Variants in CNTNAP5 observed in about 807,000 individuals in gnomAD.
The protein encoded by CNTNAP5 is contactin-associated protein-like 5.
Under a neutral mutation model 150.2 loss-of-function variants are expected in CNTNAP5, and 72 were observed. The observed-to-expected ratio is 0.48, with a 90% CI of 0.40 to 0.58. The LOEUF is 0.58. Among genes scored for constraint, CNTNAP5 ranks in the 20% least tolerant of loss-of-function variants. CNTNAP5 has a pLI of 0.00. For missense variants in CNTNAP5, 1,636 were observed against 1,626.2 expected (o/e 1.01, Z -0.10); for synonymous variants, 672 against 619.8 (o/e 1.08, Z -1.25).
intron 4 of CNTNAP5, among the ~76,000 whole-genome samples, chr2:124,422,887 G>A (rs750159816): frequency 2.5e-4 from 38 of 152,288 alleles, no homozygotes; most frequent in Middle Eastern, 6.8e-3. Context: ...GGTCTCCAGT[G>A]CTTGTATAAG....
intron 3 of CNTNAP5, among the ~76,000 whole-genome samples, chr2:124,271,701 C>CTATCTATCT (rs200397448): frequency 6.4e-4 from 74 of 114,848 alleles, no homozygotes; most frequent in African/African-American, 2.4e-3. Flanking sequence ...ATCTATCTAT[C>CTATCTATCT]ATCTATCTAT....
chr2:124,879,211 C>A (rs1192947052), intron 21 of CNTNAP5, among the ~76,000 whole-genome samples: 8 of 151,988 alleles, frequency 5.3e-5, no homozygotes, highest in African/African-American at 1.7e-4. Context: ...TCATGAGGTT[C>A]CAAAGACAAG....
intron 23 of CNTNAP5, among the ~76,000 whole-genome samples, chr2:124,912,607 C>G (rs374411425): frequency 1.4e-4 from 21 of 152,200 alleles, no homozygotes; most frequent in African/African-American, 4.8e-4. Context: ...AGAAGCTGGA[C>G]CACCTTAATT....
At chr2:124,187,990 G>A (rs1411104263) in intron 1 of CNTNAP5, among the ~76,000 whole-genome samples, 1 of 152,164 alleles carries the variant, frequency 6.6e-6, no homozygotes, top group Admixed American at 6.5e-5. Context: ...GATCTGATCA[G>A]GGAGTAGGGA....
chr2:124,172,637 C>T (rs1434829884), intron 1 of CNTNAP5, among the ~76,000 whole-genome samples: 2 of 152,124 alleles, frequency 1.3e-5, no homozygotes, highest in African/African-American at 2.4e-5. Context: ...TGATCTCGAA[C>T]TTCTGAGCTC....
At chr2:124,907,258 C>G (rs1176613190) in intron 22 of CNTNAP5, among the ~76,000 whole-genome samples, 1 of 152,016 alleles carries the variant, frequency 6.6e-6, no homozygotes, top group African/African-American at 2.4e-5. Context: ...ATTCAAATTT[C>G]TGGTACAGTG....
rs1678828704 is a variant in CNTNAP5, at chr2:124,919,317, T to C, written c.*5029T>C. Among the ~76,000 whole-genome samples, 4 of 152,262 alleles carry C rather than the reference T, an allele frequency of 2.6e-5. No individual in the cohort carries two copies. The South Asian group carries it at 8.3e-4, about 32-fold the overall frequency. ...CTATTTTTCAGTGATTATTTTATCT[T>C]ATTTTGCACTAAGGTACTCTGAGGA... On this transcript the variant is annotated 3_prime_UTR_variant, in exon 24 of 24. Transcript: ENST00000682447.
chr2:124,674,450 C>CCCAT (rs1678888429), intron 13 of CNTNAP5, among the ~76,000 whole-genome samples: 1 of 136,990 alleles, frequency 7.3e-6, no homozygotes, highest in African/African-American at 2.7e-5. Flanking sequence ...CCTTTCCTTT[C>CCCAT]CCTTCCTTCC....
intron 1 of CNTNAP5, among the ~76,000 whole-genome samples, chr2:124,155,068 C>A (rs1684490624): frequency 7.2e-6 from 1 of 139,104 alleles, no homozygotes; most frequent in Non-Finnish European, 1.5e-5. Context: ...AGAAGCAAAC[C>A]ATTCCCGTTT....
intron 3 of CNTNAP5, among the ~76,000 whole-genome samples, chr2:124,275,972 G>A (rs1311161408): frequency 6.6e-6 from 1 of 152,106 alleles, no homozygotes; most frequent in Non-Finnish European, 1.5e-5. Context: ...ACTGTCTAAT[G>A]TCTGCCAAGT....
intron 1 of CNTNAP5, among the ~76,000 whole-genome samples, chr2:124,115,043 T>C (rs1468413211): frequency 1.3e-5 from 2 of 152,054 alleles, no homozygotes; most frequent in African/African-American, 4.8e-5. Context: ...AATGATGTTA[T>C]GATAATAGCA....
rs550129483 is a variant in CNTNAP5, at chr2:124,813,058, T to G, written c.3217+14738T>G. Among the ~76,000 whole-genome samples the G allele has an allele frequency of 5.7e-3, 858 of 151,732 alleles. 10 individuals are homozygous for G. The highest frequency in any genetic ancestry group is 0.02 in the African/African-American group (821 of 41,398). Reference sequence around the variant, plus strand: ...GTTGACTTTTTGTGTCAGCTCTGGGTTTTTTTTGCTTTTTTTGTTTTTGTT... The same window carrying G: ...GTTGACTTTTTGTGTCAGCTCTGGGGTTTTTTTGCTTTTTTTGTTTTTGTT... On this transcript the variant is annotated intron_variant, in intron 19 of 23. Coordinates refer to ENST00000682447, the MANE Select transcript of CNTNAP5 (RefSeq NM_001367498.1).
At chr2:124,064,679 A>G (rs1682107877) in intron 1 of CNTNAP5, among the ~76,000 whole-genome samples, 1 of 152,168 alleles carries the variant, frequency 6.6e-6, no homozygotes, top group Non-Finnish European at 1.5e-5. Flanking sequence ...GACTGTATCA[A>G]TAATGTCTAC....
At chr2:124,099,485 T>A (rs1683014761) in intron 1 of CNTNAP5, among the ~76,000 whole-genome samples, 1 of 152,184 alleles carries the variant, frequency 6.6e-6, no homozygotes, top group Non-Finnish European at 1.5e-5. Flanking sequence ...TGTCAAAAAG[T>A]GACAGTTGGC....
At chr2:124,384,857 T>C (rs1012794518) in intron 3 of CNTNAP5, among the ~76,000 whole-genome samples, 1 of 152,184 alleles carries the variant, frequency 6.6e-6, no homozygotes. Flanking sequence ...AGCCCTTTCT[T>C]TTGTGATCAC....
At chr2:124,648,345 A>G (rs1367560598) in intron 13 of CNTNAP5, among the ~76,000 whole-genome samples, 1 of 152,038 alleles carries the variant, frequency 6.6e-6, no homozygotes, top group African/African-American at 2.4e-5. Context: ...AGGCACCAGG[A>G]TCTCAGCACA....
Position 124,267,742 on chromosome 2 carries a change from T to A in CNTNAP5, c.381+25349T>A, listed in dbSNP as rs527804612. Among the ~76,000 whole-genome samples, 24 of 152,308 alleles carry A rather than the reference T, an allele frequency of 1.6e-4. No individual in the cohort carries two copies. In the South Asian group the frequency reaches 5.0e-3, roughly 32 times the overall value. On this transcript the variant is annotated intron_variant, in intron 3 of 23. Coordinates refer to ENST00000682447, the MANE Select transcript of CNTNAP5 (RefSeq NM_001367498.1). ...TTCTAATATGCAGCTTTGGATAATA[T>A]AAAATGTTCTGTATACAAGATTATG...
At chr2:124,592,360 C>T (rs1038060835) in intron 11 of CNTNAP5, among the ~76,000 whole-genome samples, 24 of 126,892 alleles carry the variant, frequency 1.9e-4, no homozygotes, top group African/African-American at 4.4e-4. Context: ...TATATGTATA[C>T]GTGTGTATAT....
In CNTNAP5 at chr2:124,504,517, A is replaced by T; in HGVS notation, c.1288A>T (p.Ile430Phe). The part of the protein sequence containing the change: ...SLEGGILRLV[I>F]QKMTERVAEI... Reference sequence around the variant, plus strand: ...GGAGGGTGGAATCCTGAGACTCGTGATTCAGAAAATGACAGAACGCGTAGC... The same window carrying T: ...GGAGGGTGGAATCCTGAGACTCGTGTTTCAGAAAATGACAGAACGCGTAGC... The change falls in exon 8 of 24, where the codon ATT (isoleucine) becomes TTT (phenylalanine). Residue 430 changes from isoleucine to phenylalanine, a missense_variant. Coordinates refer to ENST00000682447, the MANE Select transcript of CNTNAP5 (RefSeq NM_001367498.1). 1 of 1,613,832 alleles carries T rather than the reference A, an allele frequency of 6.2e-7. No individual in the cohort carries two copies. The highest frequency in any genetic ancestry group is 1.3e-5 in the African/African-American group (1 of 75,008).
Sources: allele counts gnomAD v4.1 joint callset (sites outside exome capture counted in the v4.1 genomes callset), GRCh38; gene constraint gnomAD v4.1.1; transcripts MANE v1.5; gene names NCBI Gene and HGNC (gene_info 2026-07-23, HGNC 2026-07-21).